Variants in OSBPL8 observed in about 807,000 individuals in gnomAD.
OSBPL8 encodes oxysterol binding protein like 8.
OSBPL8 carries 59 observed loss-of-function variants against 125.5 expected under a neutral mutation model. That is an observed-to-expected ratio of 0.47 (90% confidence interval 0.38 to 0.58). The LOEUF is 0.58. OSBPL8 is among the 20% of genes least tolerant of loss of function. The pLI is 0.00. For missense variants in OSBPL8, 758 were observed against 1,047.8 expected, an observed-to-expected ratio of 0.72 and a Z score of 3.82; for synonymous variants, 330 against 338.9, an observed-to-expected ratio of 0.97 and a Z score of 0.29.
At chr12:76,407,597 T>G (rs1298585116) in intron 5 of OSBPL8, among the ~76,000 whole-genome samples, 1 of 152,198 alleles carries the variant, frequency 6.6e-6, no homozygotes, top group African/African-American at 2.4e-5. Flanking sequence ...CATCTTAAGC[T>G]AACAGAATAA....
At chr12:76,450,761 A>C in intron 4 of OSBPL8, 90 bp downstream of exon 4, 1 of 1,327,910 alleles carries the variant, frequency 7.5e-7, no homozygotes, top group Non-Finnish European at 1.0e-6. Context: ...AAGAAAAAAA[A>C]TATGATAGTC....
intron 4 of OSBPL8, among the ~76,000 whole-genome samples, chr12:76,411,687 T>C (rs1222947653): frequency 6.6e-6 from 1 of 152,016 alleles, no homozygotes; most frequent in African/African-American, 2.4e-5. Flanking sequence ...AAAAGATCAC[T>C]CAATCTCAAT....
At chr12:76,485,332 GAGGCTGAGGC>G (rs1878013189) in intron 2 of OSBPL8, among the ~76,000 whole-genome samples, 1 of 152,132 alleles carries the variant, frequency 6.6e-6, no homozygotes. Flanking sequence ...AGCACTTTGG[GAGGCTGAGGC>G]AGGTGGATCA....
At chr12:76,468,992 G>T (rs768194003) in intron 2 of OSBPL8, among the ~76,000 whole-genome samples, 1 of 152,120 alleles carries the variant, frequency 6.6e-6, no homozygotes, top group Non-Finnish European at 1.5e-5. Context: ...GACAACTCAG[G>T]TCTAGCACAA....
chr12:76,466,694 C>T (rs1003643861), intron 2 of OSBPL8, among the ~76,000 whole-genome samples: 1 of 152,098 alleles, frequency 6.6e-6, no homozygotes, highest in Non-Finnish European at 1.5e-5. Flanking sequence ...CGCGGTGGCT[C>T]ATGCCTGTAA....
chr12:76,399,604 G>A (rs549469846), intron 7 of OSBPL8, among the ~76,000 whole-genome samples: 1 of 152,172 alleles, frequency 6.6e-6, no homozygotes, highest in East Asian at 1.9e-4. Context: ...TATTGTATTA[G>A]ACAACATATC....
At chr12:76,475,929 C>A (rs1876751132) in intron 2 of OSBPL8, among the ~76,000 whole-genome samples, 2 of 152,224 alleles carry the variant, frequency 1.3e-5, no homozygotes, top group African/African-American at 4.8e-5. Flanking sequence ...CGTGTACACA[C>A]ATGCAGTACT....
chr12:76,387,483 G>A (rs925795836), intron 12 of OSBPL8, among the ~76,000 whole-genome samples: 9 of 152,128 alleles, frequency 5.9e-5, no homozygotes, highest in Admixed American at 2.0e-4. Flanking sequence ...GAAATTTGTA[G>A]GAGCCATGAC....
At chr12:76,556,124 T>C (rs1279855273) in intron 1 of OSBPL8, among the ~76,000 whole-genome samples, 5 of 152,230 alleles carry the variant, frequency 3.3e-5, no homozygotes, top group Admixed American at 3.3e-4. Flanking sequence ...GACTACATTA[T>C]CAGATACTCC....
chr12:76,372,544 A>T (rs1952660227), intron 18 of OSBPL8, among the ~76,000 whole-genome samples: 1 of 152,012 alleles, frequency 6.6e-6, no homozygotes, highest in South Asian at 2.1e-4. Flanking sequence ...AGACTCTCAG[A>T]TTTAAGGCAA....
At chr12:76,472,259 A>C (rs1042656752) in intron 2 of OSBPL8, among the ~76,000 whole-genome samples, 2 of 152,218 alleles carry the variant, frequency 1.3e-5, no homozygotes, top group African/African-American at 4.8e-5. Flanking sequence ...TAATATATGT[A>C]AAATTGGTCT....
chr12:76,485,073 A>G (rs532180367), intron 2 of OSBPL8, among the ~76,000 whole-genome samples: 3 of 151,882 alleles, frequency 2.0e-5, no homozygotes, highest in Non-Finnish European at 1.5e-5. Context: ...GGTGCCTGCC[A>G]CCACGTCCGG....
intron 1 of OSBPL8, among the ~76,000 whole-genome samples, chr12:76,557,935 C>T (rs925704413): frequency 4.6e-5 from 7 of 152,098 alleles, no homozygotes; most frequent in Non-Finnish European, 1.0e-4. Flanking sequence ...TAAACCATGG[C>T]CATTTTTAAT....
chr12:76,474,488 T>A (rs1385444744), intron 2 of OSBPL8, among the ~76,000 whole-genome samples: 3 of 152,062 alleles, frequency 2.0e-5, no homozygotes, highest in Non-Finnish European at 4.4e-5. Context: ...ATAATATTAA[T>A]CTTTTTGGGG....
At chr12:76,454,374 A>G (rs1873762611) in intron 3 of OSBPL8, among the ~76,000 whole-genome samples, 1 of 152,206 alleles carries the variant, frequency 6.6e-6, no homozygotes, top group Non-Finnish European at 1.5e-5. Context: ...AACAAACGAC[A>G]TGATTGAATA....
At chr12:76,416,337 A>T (rs1042243911) in intron 4 of OSBPL8, among the ~76,000 whole-genome samples, 8 of 152,096 alleles carry the variant, frequency 5.3e-5, no homozygotes, top group African/African-American at 1.9e-4. Context: ...GCATATGAGC[A>T]ATTTTTATAA....
intron 16 of OSBPL8, among the ~76,000 whole-genome samples, chr12:76,377,433 ATC>A (rs1952870947): frequency 6.6e-6 from 1 of 152,076 alleles, no homozygotes; most frequent in Admixed American, 6.6e-5. Flanking sequence ...CCTCTCCAGC[ATC>A]TGTTATTTCC....
chr12:76,427,732 A>G (rs552362609), intron 4 of OSBPL8, among the ~76,000 whole-genome samples: 3 of 152,188 alleles, frequency 2.0e-5, no homozygotes, highest in Admixed American at 1.3e-4. Context: ...AAGAGCATCA[A>G]CATTGCAAGA....
At chr12:76,523,623 A>G (rs1312029214) in intron 1 of OSBPL8, among the ~76,000 whole-genome samples, 1 of 152,150 alleles carries the variant, frequency 6.6e-6, no homozygotes, top group African/African-American at 2.4e-5. Context: ...GAAGAGATAC[A>G]AGAGAGCTTG....
Sources: gnomAD v4.1 joint callset for allele counts (sites outside exome capture counted in the v4.1 genomes callset) on GRCh38, gnomAD v4.1.1 for gene constraint, MANE v1.5 for transcripts, NCBI Gene and HGNC (gene_info 2026-07-23, HGNC 2026-07-21) for gene names.